MKLN1: variants seen among roughly 807,000 people sequenced by gnomAD.
MKLN1 encodes the protein muskelin.
MKLN1 carries 18 observed loss-of-function variants against 99.0 expected under a neutral mutation model. That is an observed-to-expected ratio of 0.18 (90% CI 0.13 to 0.27). The LOEUF (loss-of-function observed/expected upper bound fraction) is 0.27. MKLN1 is among the 10% of genes least tolerant of loss of function. MKLN1 has a pLI of 1.00. For missense variants in MKLN1, 621 were observed against 875.9 expected, an observed-to-expected ratio of 0.71 and a Z score of 3.67; for synonymous variants, 288 against 293.2, an observed-to-expected ratio of 0.98 and a Z score of 0.18.
At chr7:131,273,628 C>CT (rs369322456) in intron 3 of MKLN1, among the ~76,000 whole-genome samples, 11,639 of 140,412 alleles carry the variant, frequency 0.083, 610 homozygotes, top group East Asian at 0.22. Context: ...TTTTTTTTTC[C>CT]TTTTTTTTTT....
chr7:131,357,251 C>G (rs951423009), intron 1 of MKLN1, among the ~76,000 whole-genome samples: 6 of 152,086 alleles, frequency 3.9e-5, no homozygotes, highest in African/African-American at 1.4e-4. Context: ...TCTCGAACTT[C>G]CTTTGTTTTG....
At chr7:131,136,152 T>G (rs1279730114) in intron 1 of MKLN1, among the ~76,000 whole-genome samples, 1 of 152,132 alleles carries the variant, frequency 6.6e-6, no homozygotes, top group South Asian at 2.1e-4. Flanking sequence ...CTGCAGGGAC[T>G]TGGGTGTAGG....
At chr7:131,349,185 G>A (rs1006073361) in intron 1 of MKLN1, among the ~76,000 whole-genome samples, 2 of 135,006 alleles carry the variant, frequency 1.5e-5, no homozygotes, top group African/African-American at 5.6e-5. Flanking sequence ...GAAGCAGTTT[G>A]ATCTCTTAAA....
At chr7:131,196,717 T>A (rs1331805585) in intron 2 of MKLN1, among the ~76,000 whole-genome samples, 1 of 152,180 alleles carries the variant, frequency 6.6e-6, no homozygotes, top group African/African-American at 2.4e-5. Flanking sequence ...TTGCCTGCTG[T>A]CCTCTTCAGC....
chr7:131,338,330 C>T (rs1259974611), intron 1 of MKLN1, among the ~76,000 whole-genome samples: 1 of 152,234 alleles, frequency 6.6e-6, no homozygotes, highest in Non-Finnish European at 1.5e-5. Context: ...CCCCTACTCC[C>T]ATGAAATTGC....
At chr7:131,271,489 C>A (rs1017252132) in intron 3 of MKLN1, among the ~76,000 whole-genome samples, 46 of 151,948 alleles carry the variant, frequency 3.0e-4, no homozygotes, top group African/African-American at 1.1e-3. Flanking sequence ...TGGTGGCAGG[C>A]ACCTGTAGTC....
At chr7:131,446,511 G>A (rs941960127) in intron 12 of MKLN1, among the ~76,000 whole-genome samples, 6 of 152,198 alleles carry the variant, frequency 3.9e-5, no homozygotes, top group African/African-American at 1.4e-4. Context: ...TAATTAAGGT[G>A]CAATGGTTTA....
At chr7:131,165,477 G>A (rs1463171576) in intron 2 of MKLN1, among the ~76,000 whole-genome samples, 1 of 152,182 alleles carries the variant, frequency 6.6e-6, no homozygotes, top group Non-Finnish European at 1.5e-5. Context: ...GAGCCACCAC[G>A]CCCGGCCCAA....
chr7:131,124,758 C>T (rs1461960891), intron 1 of MKLN1, among the ~76,000 whole-genome samples: 1 of 152,182 alleles, frequency 6.6e-6, no homozygotes, highest in Non-Finnish European at 1.5e-5. Context: ...TTACCATGAT[C>T]CTGATGTCTT....
At chr7:131,127,345 G>A (rs900484144) in intron 1 of MKLN1, among the ~76,000 whole-genome samples, 18 of 152,144 alleles carry the variant, frequency 1.2e-4, no homozygotes, top group Middle Eastern at 3.2e-3. Context: ...GAGGCCACAC[G>A]CAGAGGCATA....
At chr7:131,345,621 T>C (rs2116742677) in intron 1 of MKLN1, among the ~76,000 whole-genome samples, 1 of 152,088 alleles carries the variant, frequency 6.6e-6, no homozygotes, top group Middle Eastern at 3.4e-3. Flanking sequence ...GGCTGAGGCT[T>C]GAGGATCACT....
At chr7:131,205,712 G>A (rs1308474059) in intron 3 of MKLN1, among the ~76,000 whole-genome samples, 2 of 151,902 alleles carry the variant, frequency 1.3e-5, no homozygotes, top group Admixed American at 6.6e-5. Context: ...CTGTAACACC[G>A]AGGCCTTTTT....
intron 6 of MKLN1, among the ~76,000 whole-genome samples, chr7:131,405,990 C>T (rs1207133454): frequency 6.6e-6 from 1 of 152,064 alleles, no homozygotes; most frequent in Non-Finnish European, 1.5e-5. Flanking sequence ...GTCTGATTCT[C>T]ATTACTGAGA....
intron 3 of MKLN1, among the ~76,000 whole-genome samples, chr7:131,322,557 C>CTTTTT (rs574246814): frequency 4.2e-5 from 4 of 95,094 alleles, no homozygotes; most frequent in African/African-American, 1.1e-4. Flanking sequence ...CTGCCAAACA[C>CTTTTT]TTTTTTTTTT....
rs367901038 is a variant in MKLN1 at position 131,450,765 on chromosome 7, C to T, written c.1525+4862C>T. Among the ~76,000 whole-genome samples the T allele has an allele frequency of 5.3e-5, 8 of 152,234 alleles. No homozygotes were observed. The East Asian group carries it at 1.5e-3, about 29-fold the overall frequency. On this transcript the variant is annotated intron_variant, in intron 12 of 17. Transcript: ENST00000352689. ...CAGATCTTAGCTTGTAGATCGTTGT[C>T]GCCCAAAATTCTCTAATGCCTTAAG...
At chr7:131,390,323 G>A (rs532017593) in intron 4 of MKLN1, among the ~76,000 whole-genome samples, 1 of 151,940 alleles carries the variant, frequency 6.6e-6, no homozygotes, top group African/African-American at 2.4e-5. Context: ...TTTAACTTTC[G>A]GTTATTTACT....
chr7:131,309,151 A>C (rs911294710), intron 3 of MKLN1, among the ~76,000 whole-genome samples: 1 of 152,238 alleles, frequency 6.6e-6, no homozygotes, highest in Admixed American at 6.5e-5. Context: ...ATCACTTAAA[A>C]TCATGTCCTG....
At chr7:131,344,528 C>G (rs546917301) in intron 1 of MKLN1, among the ~76,000 whole-genome samples, 2 of 152,048 alleles carry the variant, frequency 1.3e-5, no homozygotes, top group East Asian at 1.9e-4. Context: ...CATGCTTATC[C>G]CTGGGATTAC....
At chr7:131,376,738 A>G (rs892992499) in intron 2 of MKLN1, among the ~76,000 whole-genome samples, 1 of 151,734 alleles carries the variant, frequency 6.6e-6, no homozygotes, top group African/African-American at 2.4e-5. Context: ...TTAGAAATGG[A>G]AAGTGACTGC....
Sources: gnomAD v4.1 joint callset for allele counts (sites outside exome capture counted in the v4.1 genomes callset) on GRCh38, gnomAD v4.1.1 for gene constraint, MANE v1.5 for transcripts, NCBI Gene and HGNC (gene_info 2026-07-23, HGNC 2026-07-21) for gene names.